The following PLCG2 variants were observed in gnomAD, a reference collection of about 807,000 sequenced individuals.
PLCG2 encodes phospholipase C gamma 2, also known as 1-phosphatidylinositol 4,5-bisphosphate phosphodiesterase gamma-2.
PLCG2 carries 69 observed loss-of-function variants against 175.6 expected under a neutral mutation model. That is an observed-to-expected ratio of 0.39 (90% confidence interval 0.32 to 0.48). The LOEUF (loss-of-function observed/expected upper bound fraction) is 0.48, where lower values mean the gene tolerates loss of function less well. Among genes scored for constraint, PLCG2 ranks in the 20% least tolerant of loss-of-function variants. PLCG2 has a pLI of 0.91. For missense variants in PLCG2, 1,798 were observed against 1,650.9 expected (o/e 1.09, Z -1.54); for synonymous variants, 827 against 624.0 (o/e 1.33, Z -4.85).
intron 7 of PLCG2, among the ~76,000 whole-genome samples, chr16:81,877,387 G>A (rs909189937): frequency 3.3e-5 from 5 of 152,082 alleles, no homozygotes; most frequent in East Asian, 1.9e-4. Context: ...ACCTGGAGGC[G>A]GAACTTACAG....
rs1036553887 is a variant in PLCG2 at position 81,742,765 on chromosome 16, G to T, written c.-145+3380G>T. ...GGTGCTACGAGACGGGAGTGAACAG[G>T]GGCCGGGAGCCTCACTTCCCATCTG... On this transcript the variant is annotated intron_variant, in intron 1 of 5. Coordinates refer to the PLCG2 transcript ENST00000565054. Among the ~76,000 whole-genome samples the T allele has an allele frequency of 4.6e-5, 7 of 152,256 alleles. No homozygotes were observed. The East Asian group carries it at 1.2e-3, about 25-fold the overall frequency.
At chr16:81,955,317 T>C (rs1252170506) in intron 31 of PLCG2, among the ~76,000 whole-genome samples, 2 of 152,236 alleles carry the variant, frequency 1.3e-5, no homozygotes, top group Non-Finnish European at 2.9e-5. Context: ...GGATCTTGTT[T>C]GTGCACCTCA....
intron 3 of PLCG2, among the ~76,000 whole-genome samples, chr16:81,855,390 A>C (rs917689267): frequency 6.6e-6 from 1 of 152,166 alleles, no homozygotes; most frequent in African/African-American, 2.4e-5. Context: ...ATTGACTTAG[A>C]AGTATATGTA....
chr16:81,952,422 A>T (rs1265487880), intron 31 of PLCG2, among the ~76,000 whole-genome samples: 1 of 152,204 alleles, frequency 6.6e-6, no homozygotes, highest in Admixed American at 6.5e-5. Context: ...ATATGCCAAT[A>T]AAAAGAAATC....
At chr16:81,778,027 A>AAAAC (rs1555505420), upstream of PLCG2, among the ~76,000 whole-genome samples, 664 of 83,350 alleles carry the variant, frequency 8.0e-3, 30 homozygotes, top group African/African-American at 0.032. Context: ...AAAAAAAAAA[A>AAAAC]AAAACAAAAA....
chr16:81,796,187 G>T (rs141412980), intron 2 of PLCG2, among the ~76,000 whole-genome samples: 2 of 152,354 alleles, frequency 1.3e-5, no homozygotes, highest in Non-Finnish European at 2.9e-5. Flanking sequence ...GCTGCTGATG[G>T]TGATGTCTCT....
intron 2 of PLCG2, among the ~76,000 whole-genome samples, chr16:81,810,979 G>A (rs913049859): frequency 1.3e-5 from 2 of 152,196 alleles, no homozygotes; most frequent in East Asian, 1.9e-4. Context: ...GAACAGCAGC[G>A]AAACTGATCT....
At chr16:81,791,881 A>G (rs1911247764) in intron 2 of PLCG2, among the ~76,000 whole-genome samples, 1 of 152,068 alleles carries the variant, frequency 6.6e-6, no homozygotes, top group Non-Finnish European at 1.5e-5. Flanking sequence ...GGGACTGTTG[A>G]CCAAACATCT....
intron 31 of PLCG2, among the ~76,000 whole-genome samples, chr16:81,953,477 A>C (rs1016105770): frequency 6.6e-6 from 1 of 152,052 alleles, no homozygotes; most frequent in Non-Finnish European, 1.5e-5. Context: ...GAAAAACTTT[A>C]TTTTTTTGTG....
At chr16:81,918,507 C>G (rs1344276450) in intron 19 of PLCG2, among the ~76,000 whole-genome samples, 2 of 152,166 alleles carry the variant, frequency 1.3e-5, no homozygotes, top group Non-Finnish European at 2.9e-5. Context: ...AACAGACTGT[C>G]CTTTCCCCCT....
At chr16:81,853,010 A>G (rs779240874) in intron 2 of PLCG2, among the ~76,000 whole-genome samples, 3 of 152,198 alleles carry the variant, frequency 2.0e-5, no homozygotes, top group Non-Finnish European at 4.4e-5. Context: ...CCAGAGCACA[A>G]AATGGAAGGT....
intron 9 of PLCG2, 42 bp downstream of exon 9, chr16:81,883,383 G>A: frequency 6.5e-7 from 1 of 1,527,554 alleles, no homozygotes; most frequent in Non-Finnish European, 9.1e-7. Flanking sequence ...GAGCTGGCGG[G>A]ATGCTGCTGG....
At position 81,919,803 on chromosome 16, in the gene PLCG2, C is replaced by T. The variant is rs375214540; in HGVS notation, c.2235+139C>T. 40 of 667,544 alleles carry T rather than the reference C, an allele frequency of 6.0e-5. No homozygotes were observed. In the East Asian group the frequency reaches 1.1e-3, roughly 18 times the overall value. 41.4% of individuals were successfully genotyped at this position (667,544 alleles called of 1,614,324 possible). A position where few individuals can be genotyped will look rare whatever the true frequency, so the allele number is the denominator to read the frequency against. ...AGGTCCTGGGGATACAAATTGAGCACAACAAAGACCCTGCCGTTGTGCTGC... is the reference window on the plus strand; with the variant it reads ...AGGTCCTGGGGATACAAATTGAGCATAACAAAGACCCTGCCGTTGTGCTGC... On this transcript the variant is annotated intron_variant, in intron 20 of 32. Transcript: ENST00000564138.
chr16:81,803,558 C>CTTCCTTTCCTTTCCT (rs61092853), intron 2 of PLCG2, among the ~76,000 whole-genome samples: 33,526 of 132,240 alleles, frequency 0.25, 5,015 homozygotes, highest in Non-Finnish European at 0.33. Flanking sequence ...CCTTTCTTTC[C>CTTCCTTTCCTTTCCT]TTCCTTTCCT....
intron 19 of PLCG2, among the ~76,000 whole-genome samples, chr16:81,917,550 A>C (rs1189574639): frequency 6.6e-6 from 1 of 152,128 alleles, no homozygotes; most frequent in Non-Finnish European, 1.5e-5. Flanking sequence ...CATCCCCACC[A>C]GCACTTCTCC....
chr16:81,940,453 A>G lies in PLCG2; in HGVS notation c.3481+394A>G, dbSNP rs375348225. Among the ~76,000 whole-genome samples, 113 of 148,988 alleles carry G rather than the reference A, an allele frequency of 7.6e-4. 1 individual carries two copies. Among genetic ancestry groups the G allele is most frequent in the African/African-American group, 2.4e-3 (97 of 39,974 alleles). On this transcript the variant is annotated intron_variant, in intron 30 of 32. Coordinates refer to ENST00000564138, the MANE Select transcript of PLCG2 (RefSeq NM_002661.5). Reference sequence around the variant, plus strand: ...GGGTGGCAAGGGAGAGACCTTTGGCATCTTGGGGGGGGAGTAACAATCTCG... The same window carrying G: ...GGGTGGCAAGGGAGAGACCTTTGGCGTCTTGGGGGGGGAGTAACAATCTCG...
chr16:81,927,967 C>T (rs1214571712), intron 23 of PLCG2, among the ~76,000 whole-genome samples: 1 of 152,096 alleles, frequency 6.6e-6, no homozygotes, highest in African/African-American at 2.4e-5. Flanking sequence ...TCAGCATTTA[C>T]CTGGTGCAGG....
At position 81,805,513 on chromosome 16, in the gene PLCG2, AAAAAAC is replaced by A. The variant is rs1358454683; in HGVS notation, c.193+19336_193+19341del. ...GACTCCATCTCAGAAAAAAAAAAAA[AAAAAAC>A]AAAACGCAAGAAAACAACAAAAAAA... On this transcript the variant is annotated intron_variant, in intron 2 of 32. Coordinates refer to ENST00000564138, the MANE Select transcript of PLCG2 (RefSeq NM_002661.5). 3.2e-3 allele frequency among the ~76,000 whole-genome samples: 478 copies of A among 150,716 alleles called. 4 individuals carry two copies. The highest frequency in any genetic ancestry group is 0.011 in the African/African-American group (452 of 41,022).
intron 1 of PLCG2, among the ~76,000 whole-genome samples, chr16:81,750,196 C>A (rs552339539): frequency 1.3e-5 from 2 of 152,076 alleles, no homozygotes; most frequent in Non-Finnish European, 2.9e-5. Context: ...TCACCTCAGG[C>A]CAGGAGTTCA....
Sources: gnomAD v4.1 joint callset for allele counts (sites outside exome capture counted in the v4.1 genomes callset) on GRCh38, gnomAD v4.1.1 for gene constraint, MANE v1.5 for transcripts, NCBI Gene and HGNC (gene_info 2026-07-23, HGNC 2026-07-21) for gene names.